The following CFAP70 variants were observed in gnomAD, a reference collection of about 807,000 sequenced individuals.
The protein encoded by CFAP70 is cilia- and flagella-associated protein 70.
Under a neutral mutation model 137.6 loss-of-function variants are expected in CFAP70, and 81 were observed. That is an observed-to-expected ratio of 0.59 (90% confidence interval 0.49 to 0.71). The LOEUF (loss-of-function observed/expected upper bound fraction) is 0.71. Among genes scored for constraint, CFAP70 ranks in the 30% least tolerant of loss-of-function variants. The pLI is 0.00. For synonymous variants in CFAP70, 382 were observed against 423.6 expected (o/e 0.90, Z 1.20); for missense variants, 976 against 1,226.7 (o/e 0.80, Z 3.05).
chr10:73,256,473 A>G lies in CFAP70; in HGVS notation c.3028-57T>C. The G allele has an allele frequency of 1.9e-6, 3 of 1,598,866 alleles. No individual in the cohort carries two copies. The South Asian group carries it at 3.3e-5, about 18-fold the overall frequency. ...CAGGTCATAAACATTATGGTAAGGA[A>G]AATACATTGCCTCAGCTAAGGCAGA... is the stretch of plus-strand genomic sequence containing the variant. On this transcript the variant is annotated intron_variant, in intron 25 of 26. Transcript: ENST00000310715.
intron 12 of CFAP70, among the ~76,000 whole-genome samples, chr10:73,304,532 TG>T (rs1349726507): frequency 6.6e-6 from 1 of 152,192 alleles, no homozygotes; most frequent in African/African-American, 2.4e-5. Context: ...CAATTTACAA[TG>T]TGGATTAAAA....
chr10:73,324,366 T>C (rs901304706), intron 8 of CFAP70, among the ~76,000 whole-genome samples: 28 of 151,898 alleles, frequency 1.8e-4, no homozygotes, highest in African/African-American at 6.5e-4. Context: ...CAAAAGTAGA[T>C]AAAACCACAA....
chr10:73,323,134 A>T, intron 8 of CFAP70, 37 bp from the exon 10 acceptor site: 1 of 1,569,048 alleles, frequency 6.4e-7, no homozygotes, highest in Non-Finnish European at 8.6e-7. Context: ...TAGTGCTATA[A>T]GCAATGTAAT....
intron 4 of CFAP70, among the ~76,000 whole-genome samples, chr10:73,346,177 G>A (rs754311266): frequency 1.3e-5 from 2 of 151,982 alleles, no homozygotes; most frequent in African/African-American, 4.8e-5. Context: ...GATTACAGGC[G>A]TGAGCCACTG....
intron 9 of CFAP70, among the ~76,000 whole-genome samples, chr10:73,319,820 AATG>A (rs1459082186): frequency 6.6e-6 from 1 of 152,220 alleles, no homozygotes; most frequent in African/African-American, 2.4e-5. Flanking sequence ...TCTCAAGTAA[AATG>A]ATAACTACCG....
intron 9 of CFAP70, among the ~76,000 whole-genome samples, chr10:73,320,924 C>G (rs1359542433): frequency 6.6e-6 from 1 of 152,072 alleles, no homozygotes; most frequent in Non-Finnish European, 1.5e-5. Context: ...GCCTCGGCCT[C>G]CTAGAGTGCT....
chr10:73,341,597 C>A lies in CFAP70; in HGVS notation c.400-16G>T. ...GATAGTCCTTCTACAGAAATAGATA[C>A]CATATGTCAGGAAAATTTGTAAAGG... On this transcript the variant is annotated splice_polypyrimidine_tract_variant and intron_variant, in intron 5 of 26. Transcript: ENST00000310715. 1.9e-6 allele frequency: 3 copies of A among 1,599,406 alleles called. No homozygotes were observed. The highest frequency in any genetic ancestry group is 2.6e-6 in the Non-Finnish European group (3 of 1,175,350).
intron 25 of CFAP70, among the ~76,000 whole-genome samples, chr10:73,257,002 C>T (rs2044590291): frequency 6.6e-6 from 1 of 151,348 alleles, no homozygotes; most frequent in Non-Finnish European, 1.5e-5. Context: ...CACCATGAGT[C>T]ATTTGTTCCT....
intron 15 of CFAP70, 115 bp downstream of exon 16, chr10:73,296,927 G>T: frequency 7.8e-7 from 1 of 1,286,946 alleles, no homozygotes; most frequent in Non-Finnish European, 1.1e-6. Context: ...TCAGTGCCTA[G>T]CACAGAGCAG....
intron 6 of CFAP70, among the ~76,000 whole-genome samples, chr10:73,335,918 A>C (rs2052603899): frequency 3.3e-5 from 5 of 150,876 alleles, no homozygotes; most frequent in Admixed American, 3.3e-4. Context: ...AGGCAGGAGT[A>C]CTGCTTGAGG....
intron 3 of CFAP70, among the ~76,000 whole-genome samples, chr10:73,352,097 G>A (rs1382693087): frequency 6.6e-6 from 1 of 152,174 alleles, no homozygotes; most frequent in African/African-American, 2.4e-5. Context: ...TCTAAACTAG[G>A]CCTCCTCTGA....
chr10:73,278,045 A>T, intron 20 of CFAP70, 134 bp downstream of exon 21: 1 of 791,160 alleles, frequency 1.3e-6, no homozygotes, highest in Non-Finnish European at 2.0e-6. Flanking sequence ...AGAGAGTTAC[A>T]CCATTGAGTT....
chr10:73,322,829 G>T, intron 9 of CFAP70, 134 bp downstream of exon 10: 1 of 725,874 alleles, frequency 1.4e-6, no homozygotes, highest in Non-Finnish European at 2.1e-6. Flanking sequence ...ATGACTGTAA[G>T]GCTATATATT....
Position 73,275,957 on chromosome 10 carries a change from G to A in CFAP70, c.2521-359C>T, listed in dbSNP as rs963462763. 3.1e-5 allele frequency: 5 copies of A among 159,294 alleles called. No homozygotes were observed. The highest frequency in any genetic ancestry group is 5.5e-5 in the Non-Finnish European group (4 of 72,914). The allele number at this position is 159,294 out of a possible 1,614,324, so 9.9% of individuals were successfully genotyped here. On this transcript the variant is annotated intron_variant, in intron 21 of 26. Coordinates refer to ENST00000310715, the Ensembl canonical transcript of CFAP70. The surrounding 1 kb of genome is among the most constrained non-coding windows in gnomAD (Gnocchi z 4.0). Reference sequence around the variant, plus strand: ...AAGGAGGTAACATTTTCAGGCAGCTGACATTGTAAGGAAACTTAAGTGAGG... The same window carrying A: ...AAGGAGGTAACATTTTCAGGCAGCTAACATTGTAAGGAAACTTAAGTGAGG...
At chr10:73,255,317 C>G (rs1448434357) in intron 26 of CFAP70, among the ~76,000 whole-genome samples, 1 of 152,058 alleles carries the variant, frequency 6.6e-6, no homozygotes, top group African/African-American at 2.4e-5. Flanking sequence ...ATGGCCTGAA[C>G]CCGGGAGGCG....
intron 3 of CFAP70, 46 bp from the exon 4 acceptor site, chr10:73,348,567 A>G (rs1214540475): frequency 8.2e-7 from 1 of 1,223,950 alleles, no homozygotes; most frequent in Non-Finnish European, 1.1e-6. Context: ...AAACACATCT[A>G]TCCGATAACC....
At chr10:73,355,396 C>T (rs972064883) in intron 1 of CFAP70, among the ~76,000 whole-genome samples, 8 of 152,234 alleles carry the variant, frequency 5.3e-5, no homozygotes, top group African/African-American at 1.7e-4. Flanking sequence ...TTGTCACTGT[C>T]TCCCATCACC....
At chr10:73,328,942 G>A (rs1203161812) in intron 8 of CFAP70, among the ~76,000 whole-genome samples, 17 of 149,640 alleles carry the variant, frequency 1.1e-4, no homozygotes, top group Non-Finnish European at 1.2e-4. Flanking sequence ...CGATTCCTCA[G>A]GGATCTAGAA....
At chr10:73,296,869 G>T (rs2048583073) in intron 15 of CFAP70, 173 bp downstream of exon 16, 2 of 553,644 alleles carry the variant, frequency 3.6e-6, no homozygotes, top group South Asian at 1.1e-4. Flanking sequence ...TCCAAAATTA[G>T]TCTTAAACTG....
Sources: allele counts gnomAD v4.1 joint callset (sites outside exome capture counted in the v4.1 genomes callset), GRCh38; gene constraint gnomAD v4.1.1; non-coding constraint Gnocchi (gnomAD v3.1); transcripts MANE v1.5; gene names NCBI Gene and HGNC (gene_info 2026-07-23, HGNC 2026-07-21).